The following ZNF578 variants were observed in gnomAD, a reference collection of about 807,000 sequenced individuals.
ZNF578 encodes the protein zinc finger protein 578.
A neutral mutation model predicts 8.3 loss-of-function variants in ZNF578; 8 were observed. That is an observed-to-expected ratio of 0.96 (90% CI 0.56 to 1.74). The LOEUF is 1.74. Ranked by LOEUF, ZNF578 falls within the 40% of genes most tolerant of loss-of-function variation. The pLI is 0.00. For synonymous variants in ZNF578, 206 were observed against 232.2 expected, an observed-to-expected ratio of 0.89 and a Z score of 1.03; for missense variants, 726 against 707.5, an observed-to-expected ratio of 1.03 and a Z score of -0.30.
At chr19:52,483,563 A>G (rs531569667) in intron 2 of ZNF578, among the ~76,000 whole-genome samples, 1 of 152,374 alleles carries the variant, frequency 6.6e-6, no homozygotes, top group Non-Finnish European at 1.5e-5. Context: ...TGGCCAATAT[A>G]AACATTCAGA....
chr19:52,484,605 C>G (rs1194287368), intron 2 of ZNF578, among the ~76,000 whole-genome samples: 2 of 152,046 alleles, frequency 1.3e-5, no homozygotes, highest in African/African-American at 4.8e-5. Flanking sequence ...ACATACACAT[C>G]CAGATGGCCG....
chr19:52,487,277 T>G (rs753903998), intron 2 of ZNF578, among the ~76,000 whole-genome samples: 1 of 152,146 alleles, frequency 6.6e-6, no homozygotes, highest in Admixed American at 6.6e-5. Flanking sequence ...TGCACTGAGC[T>G]GAGATCATGC....
At chr19:52,484,137 A>C (rs1008693213) in intron 2 of ZNF578, among the ~76,000 whole-genome samples, 2 of 152,250 alleles carry the variant, frequency 1.3e-5, no homozygotes, top group Admixed American at 1.3e-4. Context: ...ATCATAAACA[A>C]GGTAAAGGAA....
chr19:52,514,963 T>TC lies in ZNF578; in HGVS notation c.*2809_*2810insC, dbSNP rs941592283. On this transcript the variant is annotated 3_prime_UTR_variant, in exon 6 of 6. Coordinates refer to ENST00000421239, the MANE Select transcript of ZNF578 (RefSeq NM_001099694.2). Reference sequence around the variant, plus strand: ...GGCATGAGCTACCACGTCGAGACTCTTTTTTTTTTTTTTTTTTAGATGGAG... The same window carrying TC: ...GGCATGAGCTACCACGTCGAGACTCTCTTTTTTTTTTTTTTTTTAGATGGAG... Among the ~76,000 whole-genome samples the TC allele has an allele frequency of 2.9e-5, 1 of 34,122 alleles. No individual in the cohort carries two copies. The highest frequency in any genetic ancestry group is 6.0e-5 in the Non-Finnish European group (1 of 16,628). The allele number at this position is 34,122 out of a possible 152,430, so 22.4% of individuals were successfully genotyped here. A position where few individuals can be genotyped will look rare whatever the true frequency, so the allele number is the denominator to read the frequency against.
At position 52,511,568 on chromosome 19, in the gene ZNF578, A is replaced by G. The variant is rs771228732; in HGVS notation, c.1187A>G (p.Glu396Gly). 1 of 1,613,072 alleles carries G rather than the reference A, an allele frequency of 6.2e-7. No individual in the cohort carries two copies. The highest frequency in any genetic ancestry group is 1.1e-5 in the South Asian group (1 of 91,072). ...LVIHKAIHTG[E>G]KPYKCNECGK... ...ATTCATAAGGCAATTCATACTGGAG[A>G]GAAACCTTACAAGTGTAATGAATGT... Residue 396 changes from glutamate (E) to glycine (G), a missense_variant, in exon 6 of 6, where the codon GAG becomes GGG. Coordinates refer to ENST00000421239, the MANE Select transcript of ZNF578 (RefSeq NM_001099694.2).
In ZNF578 at chr19:52,512,134, A is replaced by G. The variant is rs768582343; in HGVS notation, c.1753A>G (p.Lys585Glu). The change falls in exon 6 of 6, where the codon AAG becomes GAG. Residue 585 changes from lysine (K) to glutamate (E), a missense_variant. Coordinates refer to ENST00000421239, the MANE Select transcript of ZNF578 (RefSeq NM_001099694.2). ...CAATCACTTGATTGATTCATCAATC[A>G]AGCCTTGCATGTCATCATAGACTTC... ...AHNHLIDSSI[K>E]PCMSS The G allele has an allele frequency of 3.1e-6, 5 of 1,613,906 alleles. No homozygotes were observed. The South Asian group carries it at 5.5e-5, about 18-fold the overall frequency.
chr19:52,501,797 C>T, intron 3 of ZNF578, 30 bp from the exon 4 acceptor site: 1 of 1,607,186 alleles, frequency 6.2e-7, no homozygotes, highest in South Asian at 1.1e-5. Flanking sequence ...TCATATCTAA[C>T]CTGAAGTCTT....
intron 3 of ZNF578, among the ~76,000 whole-genome samples, chr19:52,494,660 A>G (rs1420935982): frequency 1.3e-5 from 2 of 152,152 alleles, no homozygotes; most frequent in Admixed American, 6.6e-5. Context: ...AGTCATGTAC[A>G]TTCTATAAAT....
chr19:52,512,281 C>T lies in ZNF578; in HGVS notation c.*127C>T. On this transcript the variant is annotated 3_prime_UTR_variant, in exon 6 of 6. Transcript: ENST00000421239. ...AACCTTACAAGTGTAATGAGTGTGG[C>T]AAAGCCTTTAGTGACCAGTCAACAC... The T allele has an allele frequency of 6.3e-7, 1 of 1,585,374 alleles. No individual in the cohort carries two copies. Among genetic ancestry groups the T allele is most frequent in the Non-Finnish European group, 8.7e-7 (1 of 1,154,288 alleles).
At position 52,506,568 on chromosome 19, in the gene ZNF578, G is replaced by A. The variant is rs2162932; in HGVS notation, c.190+1787G>A. 7.4e-3 allele frequency among the ~76,000 whole-genome samples: 1,095 copies of A among 148,820 alleles called. 14 individuals are homozygous for A. Among genetic ancestry groups the A allele is most frequent in the African/African-American group, 0.025 (1,015 of 40,720 alleles). ...GTGCAACCTCCACCTCCCAGGTCAG[G>A]CAATCTCCTACCTCAGCCTTCTGAG... On this transcript the variant is annotated intron_variant, in intron 5 of 5. Transcript: ENST00000421239.
chr19:52,493,688 G>GA (rs1363911747), intron 3 of ZNF578, among the ~76,000 whole-genome samples: 15 of 151,988 alleles, frequency 9.9e-5, no homozygotes, highest in East Asian at 1.9e-4. Context: ...TGGGGGGAAG[G>GA]GCAACAAGAG....
chr19:52,492,852 C>T (rs1015127571), intron 3 of ZNF578: 3 of 152,342 alleles, frequency 2.0e-5, no homozygotes, highest in African/African-American at 7.2e-5. Context: ...AGTGAAGGTC[C>T]TACCGCGGCA....
chr19:52,490,211 A>C (rs573948184), intron 2 of ZNF578, among the ~76,000 whole-genome samples: 1 of 152,180 alleles, frequency 6.6e-6, no homozygotes, highest in Non-Finnish European at 1.5e-5. Flanking sequence ...CATATATATA[A>C]AATTGCTCTA....
chr19:52,493,475 A>T (rs536848802), intron 3 of ZNF578, among the ~76,000 whole-genome samples: 22 of 152,256 alleles, frequency 1.4e-4, no homozygotes, highest in South Asian at 4.1e-4. Context: ...GCGATGCAGG[A>T]GTCTTACTCC....
intron 4 of ZNF578, among the ~76,000 whole-genome samples, chr19:52,504,048 G>C (rs565117688): frequency 1.9e-4 from 25 of 133,570 alleles, no homozygotes; most frequent in Non-Finnish European, 2.6e-4. Context: ...TGCCCACATT[G>C]GTCTCCCAAA....
chr19:52,498,684 C>T (rs1599907596), intron 3 of ZNF578, among the ~76,000 whole-genome samples: 7 of 106,848 alleles, frequency 6.6e-5, no homozygotes, highest in South Asian at 3.1e-4. Flanking sequence ...CGCCTGGCCG[C>T]TTTTTTTTTT....
chr19:52,501,544 G>A (rs961796455), intron 3 of ZNF578, among the ~76,000 whole-genome samples: 2 of 152,162 alleles, frequency 1.3e-5, no homozygotes, highest in African/African-American at 4.8e-5. Context: ...TTTGATCAGG[G>A]ATGGGTCTGT....
At chr19:52,459,649 A>C in intron 2 of ZNF578, among the ~76,000 whole-genome samples, 1 of 88,718 alleles carries the variant, frequency 1.1e-5, no homozygotes, top group South Asian at 5.0e-4. Context: ...ACACACACAC[A>C]CATATATATA....
At chr19:52,465,128 A>C (rs1461063524) in intron 2 of ZNF578, among the ~76,000 whole-genome samples, 2 of 152,150 alleles carry the variant, frequency 1.3e-5, no homozygotes, top group African/African-American at 4.8e-5. Context: ...AATTCCCCCA[A>C]CTGTTCCTTG....
Sources: gnomAD v4.1 joint callset for allele counts (sites outside exome capture counted in the v4.1 genomes callset) on GRCh38, gnomAD v4.1.1 for gene constraint, MANE v1.5 for transcripts, NCBI Gene and HGNC (gene_info 2026-07-23, HGNC 2026-07-21) for gene names.